The following DYM variants were observed in gnomAD, a reference collection of about 807,000 sequenced individuals.
DYM encodes dymeclin.
In DYM, 78 loss-of-function variants were observed where a neutral mutation model predicts 93.1. The observed-to-expected ratio is 0.84, with a 90% CI of 0.70 to 1.01. DYM has a LOEUF of 1.01. DYM is among the 50% of genes least tolerant of loss of function. The pLI is 0.00. For synonymous variants in DYM, 321 were observed against 319.7 expected, an observed-to-expected ratio of 1.00 and a Z score of -0.04; for missense variants, 789 against 845.0, an observed-to-expected ratio of 0.93 and a Z score of 0.82.
intron 14 of DYM, among the ~76,000 whole-genome samples, chr18:49,194,291 T>C (rs1369860311): frequency 1.3e-5 from 2 of 152,166 alleles, no homozygotes; most frequent in Non-Finnish European, 2.9e-5. Flanking sequence ...AAATTTTAAT[T>C]TGTTATTTAG....
intron 8 of DYM, among the ~76,000 whole-genome samples, chr18:49,301,362 T>C (rs2060920101): frequency 1.3e-5 from 2 of 151,476 alleles, no homozygotes; most frequent in Admixed American, 1.3e-4. Context: ...CTACTAAAAA[T>C]ACAAAAAAAT....
chr18:49,403,415 G>GAT (rs2071078503), intron 2 of DYM, among the ~76,000 whole-genome samples: 2 of 152,112 alleles, frequency 1.3e-5, no homozygotes, highest in Non-Finnish European at 2.9e-5. Flanking sequence ...ACATTTGTAT[G>GAT]ATGTTTTATA....
At chr18:49,421,540 T>C (rs2073711439) in intron 2 of DYM, among the ~76,000 whole-genome samples, 2 of 152,140 alleles carry the variant, frequency 1.3e-5, no homozygotes, top group Non-Finnish European at 2.9e-5. Context: ...ACCACAAAGA[T>C]GGGAAGAAAC....
intron 10 of DYM, among the ~76,000 whole-genome samples, chr18:49,274,340 T>A (rs2094794236): frequency 6.6e-6 from 1 of 152,160 alleles, no homozygotes; most frequent in Non-Finnish European, 1.5e-5. Flanking sequence ...CCTTTTTATG[T>A]CAAATAATAT....
chr18:49,162,693 G>A (rs1180455277), intron 15 of DYM, among the ~76,000 whole-genome samples: 1 of 152,222 alleles, frequency 6.6e-6, no homozygotes, highest in Non-Finnish European at 1.5e-5. Flanking sequence ...ACATGTTACT[G>A]CTGCTCTCTT....
At chr18:49,247,051 C>CA (rs2094188010) in intron 13 of DYM, among the ~76,000 whole-genome samples, 1 of 152,212 alleles carries the variant, frequency 6.6e-6, no homozygotes, top group African/African-American at 2.4e-5. Flanking sequence ...ACTTGGAAGA[C>CA]AGAGATGGTG....
chr18:49,453,942 T>C (rs1374381136), intron 1 of DYM, among the ~76,000 whole-genome samples: 4 of 152,184 alleles, frequency 2.6e-5, no homozygotes, highest in Non-Finnish European at 5.9e-5. Flanking sequence ...ATGCCACTTA[T>C]CCTAAAAGGA....
chr18:49,241,216 A>G (rs2094000198), intron 13 of DYM, among the ~76,000 whole-genome samples: 1 of 152,164 alleles, frequency 6.6e-6, no homozygotes, highest in South Asian at 2.1e-4. Flanking sequence ...CATTCTACTC[A>G]CTCACAACTG....
At chr18:49,134,112 A>G (rs922384232) in intron 15 of DYM, among the ~76,000 whole-genome samples, 5 of 152,218 alleles carry the variant, frequency 3.3e-5, no homozygotes, top group Non-Finnish European at 5.9e-5. Context: ...CAAGTCCAGT[A>G]AAGTGTTAAT....
At chr18:49,213,564 C>T (rs930095441) in intron 13 of DYM, among the ~76,000 whole-genome samples, 4 of 152,150 alleles carry the variant, frequency 2.6e-5, no homozygotes, top group Non-Finnish European at 5.9e-5. Context: ...AATCCACCCA[C>T]TTCAGCCTCC....
At chr18:49,082,414 C>T (rs960924964) in intron 17 of DYM, among the ~76,000 whole-genome samples, 1 of 152,170 alleles carries the variant, frequency 6.6e-6, no homozygotes, top group Admixed American at 6.5e-5. Context: ...GTCTTGATAC[C>T]TAGAAGCAAA....
intron 15 of DYM, among the ~76,000 whole-genome samples, chr18:49,162,754 A>G (rs529186372): frequency 1.7e-4 from 26 of 152,338 alleles, no homozygotes; most frequent in Middle Eastern, 3.4e-3. Context: ...AGCAGAGCCA[A>G]TTAGATTCTC....
chr18:49,342,726 A>G (rs768385903), intron 6 of DYM, among the ~76,000 whole-genome samples: 11 of 152,190 alleles, frequency 7.2e-5, no homozygotes, highest in Admixed American at 2.0e-4. Flanking sequence ...TACCCTTTCT[A>G]TGTTTAGATA....
intron 15 of DYM, among the ~76,000 whole-genome samples, chr18:49,146,170 C>T (rs2085112351): frequency 6.6e-6 from 1 of 152,094 alleles, no homozygotes. Flanking sequence ...AAGCTAAAAA[C>T]AACCACACAC....
intron 13 of DYM, among the ~76,000 whole-genome samples, chr18:49,218,910 C>A (rs1366973940): frequency 2.0e-5 from 3 of 151,944 alleles, no homozygotes; most frequent in African/African-American, 4.8e-5. Flanking sequence ...AAAATCAGAG[C>A]AGAACTGAAG....
At chr18:49,262,566 T>A (rs1041165798) in intron 11 of DYM, among the ~76,000 whole-genome samples, 1 of 152,244 alleles carries the variant, frequency 6.6e-6, no homozygotes, top group Admixed American at 6.5e-5. Flanking sequence ...CCTATATTGA[T>A]ACATATAAGA....
At chr18:49,201,115 A>G (rs1183748356) in intron 14 of DYM, among the ~76,000 whole-genome samples, 1 of 152,236 alleles carries the variant, frequency 6.6e-6, no homozygotes. Flanking sequence ...AGCTTTTAAT[A>G]TGAGTATCGG....
chr18:49,254,992 A>G (rs765770247), intron 13 of DYM, among the ~76,000 whole-genome samples: 2 of 152,214 alleles, frequency 1.3e-5, no homozygotes, highest in African/African-American at 2.4e-5. Flanking sequence ...CATTATTCCA[A>G]TGTCAGTCAA....
chr18:49,272,844 T>C (rs2094743301), intron 10 of DYM, among the ~76,000 whole-genome samples: 2 of 152,166 alleles, frequency 1.3e-5, no homozygotes, highest in African/African-American at 4.8e-5. Context: ...CATTTCATAA[T>C]GCTGTTTACC....
Sources: gnomAD v4.1 joint callset for allele counts (sites outside exome capture counted in the v4.1 genomes callset) on GRCh38, gnomAD v4.1.1 for gene constraint, MANE v1.5 for transcripts, NCBI Gene and HGNC (gene_info 2026-07-23, HGNC 2026-07-21) for gene names.